Variants in ST8SIA2 observed in about 807,000 individuals in gnomAD.
ST8SIA2 encodes the protein alpha-2,8-sialyltransferase 8B.
A neutral mutation model predicts 37.6 loss-of-function variants in ST8SIA2; 22 were observed. The observed-to-expected ratio is 0.58, with a 90% CI of 0.42 to 0.83. ST8SIA2 has a LOEUF of 0.83. ST8SIA2 is among the 40% of genes least tolerant of loss of function. ST8SIA2 has a pLI of 0.00. For missense variants in ST8SIA2, 382 were observed against 484.7 expected, an observed-to-expected ratio of 0.79 and a Z score of 1.99; for synonymous variants, 205 against 201.2, an observed-to-expected ratio of 1.02 and a Z score of -0.16.
rs1191893144 is a variant in ST8SIA2 at position 92,468,699 on chromosome 15, C to G, written c.*4314C>G. On this transcript the variant is annotated 3_prime_UTR_variant, in exon 6 of 6. Transcript: ENST00000268164. ...TGGTGCATAGCACACAGCAGTTGCTCAATAAATGTTTGTTGGATTAAATCC... is the reference window on the plus strand; with the variant it reads ...TGGTGCATAGCACACAGCAGTTGCTGAATAAATGTTTGTTGGATTAAATCC... 1 of 152,636 alleles carries G rather than the reference C, an allele frequency of 6.6e-6. No individual in the cohort carries two copies. Among genetic ancestry groups the G allele is most frequent in the Non-Finnish European group, 1.5e-5 (1 of 68,034 alleles). 9.5% of individuals were successfully genotyped at this position (152,636 alleles called of 1,614,324 possible).
chr15:92,419,158 T>C (rs933750526), intron 1 of ST8SIA2, among the ~76,000 whole-genome samples: 2 of 152,080 alleles, frequency 1.3e-5, no homozygotes. Context: ...CCAACACCGA[T>C]GCGGTTCCAG....
At chr15:92,412,081 T>C (rs2049553361) in intron 1 of ST8SIA2, among the ~76,000 whole-genome samples, 3 of 151,778 alleles carry the variant, frequency 2.0e-5, no homozygotes, top group African/African-American at 7.3e-5. Context: ...GAGAGATACC[T>C]CCTTCCTTGG....
intron 5 of ST8SIA2, among the ~76,000 whole-genome samples, chr15:92,455,869 C>T (rs2049916336): frequency 6.6e-6 from 1 of 152,250 alleles, no homozygotes. Context: ...TTCATATCCT[C>T]ACCTACAATT....
In ST8SIA2 at chr15:92,417,869, C is replaced by A. The variant is rs112879112; in HGVS notation, c.99-12180C>A. Reference sequence around the variant, plus strand: ...CCTTATCCTTATAGTGTAATGTGAGCGGAGAGTCTAGCTTGAATATTTTCC... The same window carrying A: ...CCTTATCCTTATAGTGTAATGTGAGAGGAGAGTCTAGCTTGAATATTTTCC... On this transcript the variant is annotated intron_variant, in intron 1 of 5. Transcript: ENST00000268164. 4.8e-3 allele frequency among the ~76,000 whole-genome samples: 732 copies of A among 152,234 alleles called. 4 individuals carry two copies. Among genetic ancestry groups the A allele is most frequent in the Middle Eastern group, 0.027 (8 of 294 alleles).
rs566794005 is a variant in ST8SIA2 at position 92,406,062 on chromosome 15, G to A, written c.98+11900G>A. On this transcript the variant is annotated intron_variant, in intron 1 of 5. Coordinates refer to ENST00000268164, the MANE Select transcript of ST8SIA2 (RefSeq NM_006011.4). Reference sequence around the variant, plus strand: ...GGTGAACCTGAAAAGAAAAGAGTCCGAGATACTGATCCCAAGATTTGGCTC... The same window carrying A: ...GGTGAACCTGAAAAGAAAAGAGTCCAAGATACTGATCCCAAGATTTGGCTC... Among the ~76,000 whole-genome samples the A allele has an allele frequency of 8.1e-4, 123 of 152,298 alleles. 1 individual carries two copies. Among genetic ancestry groups the A allele is most frequent in the Non-Finnish European group, 1.5e-3 (104 of 68,034 alleles).
intron 5 of ST8SIA2, among the ~76,000 whole-genome samples, chr15:92,458,079 G>C (rs967003522): frequency 3.9e-5 from 6 of 152,158 alleles, no homozygotes; most frequent in Non-Finnish European, 7.3e-5. Flanking sequence ...ACGGAAGTCA[G>C]GATAATCAAT....
Position 92,466,815 on chromosome 15 carries a change from T to C in ST8SIA2, c.*2430T>C, listed in dbSNP as rs2049995607. ...ATGGCGGAGCTCCAGGGGCCTTGGCTTTCTCTGGCTCATTGTCCTTCTCCA... is the reference window on the plus strand; with the variant it reads ...ATGGCGGAGCTCCAGGGGCCTTGGCCTTCTCTGGCTCATTGTCCTTCTCCA... On this transcript the variant is annotated 3_prime_UTR_variant, in exon 6 of 6. Coordinates refer to ENST00000268164, the MANE Select transcript of ST8SIA2 (RefSeq NM_006011.4). 1 of 152,576 alleles carries C rather than the reference T, an allele frequency of 6.6e-6. No individual in the cohort carries two copies. Among genetic ancestry groups the C allele is most frequent in the South Asian group, 2.1e-4 (1 of 4,814 alleles). The allele number at this position is 152,576 out of a possible 1,614,324, so 9.5% of individuals were successfully genotyped here.
chr15:92,408,271 A>G (rs923164943), intron 1 of ST8SIA2, among the ~76,000 whole-genome samples: 20 of 151,086 alleles, frequency 1.3e-4, no homozygotes, highest in Non-Finnish European at 2.5e-4. Context: ...TCACCCCTGC[A>G]ACACCACTAG....
chr15:92,450,668 G>T (rs982508145), intron 5 of ST8SIA2, among the ~76,000 whole-genome samples: 4 of 152,136 alleles, frequency 2.6e-5, no homozygotes, highest in South Asian at 2.1e-4. Context: ...AGTATCCACC[G>T]CATGGTGCTA....
At chr15:92,399,806 T>G (rs1434266372) in intron 1 of ST8SIA2, among the ~76,000 whole-genome samples, 1 of 152,244 alleles carries the variant, frequency 6.6e-6, no homozygotes, top group Non-Finnish European at 1.5e-5. Flanking sequence ...TCTTTCCCCC[T>G]GTAAGGCAGG....
chr15:92,432,867 C>T (rs956107884), intron 2 of ST8SIA2, among the ~76,000 whole-genome samples: 1 of 152,162 alleles, frequency 6.6e-6, no homozygotes, highest in Non-Finnish European at 1.5e-5. Flanking sequence ...CATGGTGGCT[C>T]ATGCCTGTAA....
intron 2 of ST8SIA2, among the ~76,000 whole-genome samples, chr15:92,433,684 G>A (rs925093851): frequency 1.2e-4 from 18 of 152,216 alleles, no homozygotes; most frequent in African/African-American, 2.4e-4. Flanking sequence ...GATCCCTTGC[G>A]TACAGTCTCC....
intron 1 of ST8SIA2, among the ~76,000 whole-genome samples, chr15:92,415,007 T>A (rs1335360945): frequency 6.6e-6 from 1 of 152,152 alleles, no homozygotes; most frequent in African/African-American, 2.4e-5. Flanking sequence ...CCTGGGCTCC[T>A]AAAAGAGCAT....
At chr15:92,432,524 G>A (rs985808061) in intron 2 of ST8SIA2, among the ~76,000 whole-genome samples, 2 of 152,072 alleles carry the variant, frequency 1.3e-5, no homozygotes, top group Admixed American at 6.6e-5. Context: ...TAAAGCTATC[G>A]ACCCACAGTC....
chr15:92,450,908 C>A (rs2049877006), intron 5 of ST8SIA2, among the ~76,000 whole-genome samples: 1 of 152,174 alleles, frequency 6.6e-6, no homozygotes, highest in Non-Finnish European at 1.5e-5. Flanking sequence ...AACCCTTCTG[C>A]TTTGCTGGTG....
At position 92,438,505 on chromosome 15, in the gene ST8SIA2, C is replaced by T. The variant is rs1344508920; in HGVS notation, c.443C>T (p.Pro148Leu). 1.2e-6 allele frequency: 2 copies of T among 1,614,234 alleles called. No homozygotes were observed. The highest frequency in any genetic ancestry group is 1.7e-6 in the Non-Finnish European group (2 of 1,180,052). Reference protein sequence around the residue: ...NLYELLPRTSPLKNKHFGTCA... With the variant: ...NLYELLPRTSLLKNKHFGTCA... ...TACGAGCTCCTCCCCAGGACTTCGC[C>T]ACTGAAGAATAAGCACTTTGGGACT... The change falls in exon 4 of 6, where the codon CCA becomes CTA. Residue 148 changes from proline to leucine, a missense_variant. By Grantham distance (98) the Pro-to-Leu change is moderately conservative (BLOSUM62 -3). Transcript: ENST00000268164.
chr15:92,427,336 C>CTA (rs1196121938), intron 1 of ST8SIA2, among the ~76,000 whole-genome samples: 4 of 149,982 alleles, frequency 2.7e-5, no homozygotes, highest in Non-Finnish European at 5.9e-5. Flanking sequence ...AGCACGGGGA[C>CTA]TATATATATC....
intron 1 of ST8SIA2, among the ~76,000 whole-genome samples, chr15:92,397,501 A>G (rs74029014): frequency 0.082 from 12,489 of 152,290 alleles, 645 homozygotes; most frequent in South Asian, 0.16. Context: ...AGTTCTCTGC[A>G]AAGCACCTAG....
In ST8SIA2 at chr15:92,465,005, A is replaced by T. The variant is rs913602870; in HGVS notation, c.*620A>T. ...CTAAGGGACAGCACGAATGACTCAC[A>T]TGTTTCAGACAGGCCTCCACGGCTA... On this transcript the variant is annotated 3_prime_UTR_variant, in exon 6 of 6. Transcript: ENST00000268164. 1 of 154,104 alleles carries T rather than the reference A, an allele frequency of 6.5e-6. No individual in the cohort carries two copies. The highest frequency in any genetic ancestry group is 2.4e-5 in the African/African-American group (1 of 41,432). 9.5% of individuals were successfully genotyped at this position (154,104 alleles called of 1,614,324 possible).
Sources: allele counts gnomAD v4.1 joint callset (sites outside exome capture counted in the v4.1 genomes callset), GRCh38; gene constraint gnomAD v4.1.1; transcripts MANE v1.5; gene names NCBI Gene and HGNC (gene_info 2026-07-23, HGNC 2026-07-21).